PLEKHA7: variants seen among roughly 807,000 people sequenced by gnomAD.
PLEKHA7 encodes the protein pleckstrin homology domain-containing family A member 7.
A neutral mutation model predicts 170.0 loss-of-function variants in PLEKHA7; 104 were observed. That is an observed-to-expected ratio of 0.61 (90% CI 0.52 to 0.72). The LOEUF (loss-of-function observed/expected upper bound fraction) is 0.72, where lower values mean the gene tolerates loss of function less well. Ranked by LOEUF, PLEKHA7 falls within the 30% of genes least tolerant of loss-of-function variation. The pLI is 0.00. For missense variants in PLEKHA7, 1,615 were observed against 1,671.7 expected, an observed-to-expected ratio of 0.97 and a Z score of 0.59; for synonymous variants, 648 against 660.8, an observed-to-expected ratio of 0.98 and a Z score of 0.30.
chr11:16,903,162 T>C (rs1018900205), intron 3 of PLEKHA7, among the ~76,000 whole-genome samples: 4 of 152,186 alleles, frequency 2.6e-5, no homozygotes, highest in Non-Finnish European at 2.9e-5. Flanking sequence ...TCCATTTCTG[T>C]TTAGAAAAGC....
intron 13 of PLEKHA7, among the ~76,000 whole-genome samples, chr11:16,808,311 C>T (rs1315983647): frequency 6.6e-6 from 1 of 152,166 alleles, no homozygotes; most frequent in African/African-American, 2.4e-5. Context: ...TCGTTCATAG[C>T]CAGGGTTAAT....
At chr11:16,826,615 T>C in intron 9 of PLEKHA7, 25 bp from the exon 10 acceptor site, 3 of 1,588,710 alleles carry the variant, frequency 1.9e-6, no homozygotes, top group Non-Finnish European at 2.6e-6. Flanking sequence ...GCACATTCAG[T>C]TTGCTCCACA....
At position 16,971,756 on chromosome 11, in the gene PLEKHA7, CT is replaced by C. The variant is rs913583119; in HGVS notation, c.221+42232del. Among the ~76,000 whole-genome samples the C allele has an allele frequency of 4.1e-4, 62 of 151,864 alleles. 1 individual carries two copies. In the Middle Eastern group the frequency reaches 0.02, roughly 50 times the overall value. ...TTTCTTTTATAGTTTTTTTAAATAT[CT>C]TTTTTTATTTTTAAGTGAAGGGATA... On this transcript the variant is annotated intron_variant, in intron 3 of 26. Transcript: ENST00000531066.
At chr11:17,011,814 C>A (rs972076929) in intron 3 of PLEKHA7, among the ~76,000 whole-genome samples, 2 of 152,170 alleles carry the variant, frequency 1.3e-5, no homozygotes, top group Non-Finnish European at 2.9e-5. Flanking sequence ...ATCTGACATA[C>A]TCATATCTCA....
chr11:16,894,212 C>CTGGA (rs1018245960), intron 3 of PLEKHA7, among the ~76,000 whole-genome samples: 1 of 152,186 alleles, frequency 6.6e-6, no homozygotes, highest in African/African-American at 2.4e-5. Context: ...GGGGGACAGA[C>CTGGA]TGGACATCTA....
At chr11:16,954,348 T>A (rs1391147588) in intron 3 of PLEKHA7, among the ~76,000 whole-genome samples, 2 of 151,914 alleles carry the variant, frequency 1.3e-5, no homozygotes, top group Admixed American at 1.3e-4. Flanking sequence ...AGACTCCATC[T>A]CTACAAAAAC....
rs147235534 is a variant in PLEKHA7 at position 16,973,076 on chromosome 11, C to T, written c.221+40913G>A. Among the ~76,000 whole-genome samples, 28 of 152,334 alleles carry T rather than the reference C, an allele frequency of 1.8e-4. No individual in the cohort carries two copies. The East Asian group carries it at 5.0e-3, about 27-fold the overall frequency. On this transcript the variant is annotated intron_variant, in intron 3 of 26. Transcript: ENST00000531066. ...CTCCATTTCTGGCCCATCTGCCTTA[C>T]AGGCTTATTGTGAAGACTGGGTGGG...
At chr11:16,800,057 A>G (rs1449946276) in intron 17 of PLEKHA7, among the ~76,000 whole-genome samples, 1 of 152,228 alleles carries the variant, frequency 6.6e-6, no homozygotes, top group African/African-American at 2.4e-5. Context: ...CCTTGGTTAG[A>G]ACTATCTTAT....
chr11:16,824,948 T>C (rs567035620), intron 10 of PLEKHA7, among the ~76,000 whole-genome samples: 3 of 152,350 alleles, frequency 2.0e-5, no homozygotes, highest in African/African-American at 4.8e-5. Context: ...AGTAGCTTTC[T>C]GTTTTATTAA....
At chr11:16,990,736 G>A (rs901832523) in intron 3 of PLEKHA7, among the ~76,000 whole-genome samples, 30 of 152,220 alleles carry the variant, frequency 2.0e-4, no homozygotes, top group African/African-American at 7.2e-4. Flanking sequence ...CTGTGGCTGT[G>A]TACCACACAC....
intron 3 of PLEKHA7, among the ~76,000 whole-genome samples, chr11:16,882,499 C>A (rs777833669): frequency 6.6e-6 from 1 of 152,174 alleles, no homozygotes; most frequent in African/African-American, 2.4e-5. Context: ...TACAAAATAC[C>A]GAATTGCCAT....
At position 16,816,927 on chromosome 11, in the gene PLEKHA7, C is replaced by T. The variant is rs774851969; in HGVS notation, c.1739G>A (p.Arg580Lys). 2.5e-6 allele frequency: 4 copies of T among 1,613,626 alleles called. No homozygotes were observed. Among genetic ancestry groups the T allele is most frequent in the Non-Finnish European group, 3.4e-6 (4 of 1,179,768 alleles). ...PSDIPPPGPP[R>K]VFPPRRPHTP... ...GTGTGGCCGCCGGGGTGGGAAGACC[C>T]TTGGGGGTCCTGGGGGAGGGATGTC... The change falls in exon 11 of 27, where the codon AGG (arginine) becomes AAG (lysine). Residue 580 changes from arginine to lysine, a missense_variant. Arg to Lys is a conservative substitution (Grantham distance 26). Coordinates refer to ENST00000531066, the MANE Select transcript of PLEKHA7 (RefSeq NM_001329630.2).
chr11:16,865,530 C>A (rs1247570553), intron 4 of PLEKHA7, among the ~76,000 whole-genome samples: 3 of 152,002 alleles, frequency 2.0e-5, no homozygotes, highest in Non-Finnish European at 2.9e-5. Flanking sequence ...TCAAGACCAG[C>A]CTGGGCAACA....
At chr11:17,010,345 C>T (rs929777882) in intron 3 of PLEKHA7, among the ~76,000 whole-genome samples, 6 of 151,114 alleles carry the variant, frequency 4.0e-5, no homozygotes, top group Non-Finnish European at 7.4e-5. Context: ...GAGCTGAGAT[C>T]GTGCCACTGC....
intron 3 of PLEKHA7, among the ~76,000 whole-genome samples, chr11:16,907,122 G>C (rs865994919): frequency 9.7e-6 from 1 of 102,874 alleles, no homozygotes; most frequent in Non-Finnish European, 2.0e-5. Context: ...GTGGGGGTCA[G>C]CCCCCCGCCC....
At chr11:16,846,770 C>G (rs191901199) in intron 8 of PLEKHA7, among the ~76,000 whole-genome samples, 2 of 152,278 alleles carry the variant, frequency 1.3e-5, no homozygotes, top group East Asian at 3.9e-4. Flanking sequence ...AAGCCTGAAC[C>G]CACCATATCT....
At chr11:16,868,334 T>A (rs1034294615) in intron 4 of PLEKHA7, among the ~76,000 whole-genome samples, 4 of 152,204 alleles carry the variant, frequency 2.6e-5, no homozygotes, top group Non-Finnish European at 5.9e-5. Context: ...ATTATAGCTT[T>A]CACATTATTT....
chr11:16,848,487 A>G (rs984497365), intron 8 of PLEKHA7, among the ~76,000 whole-genome samples: 1 of 152,262 alleles, frequency 6.6e-6, no homozygotes, highest in African/African-American at 2.4e-5. Flanking sequence ...AGGGAAATCT[A>G]TTATATTGAA....
chr11:16,780,246 T>A (rs1469115097), intron 26 of PLEKHA7, among the ~76,000 whole-genome samples: 1 of 152,238 alleles, frequency 6.6e-6, no homozygotes, highest in African/African-American at 2.4e-5. Flanking sequence ...CTGGACCAGA[T>A]GCCAGCCTCC....
Sources: allele counts gnomAD v4.1 joint callset (sites outside exome capture counted in the v4.1 genomes callset), GRCh38; gene constraint gnomAD v4.1.1; transcripts MANE v1.5; gene names NCBI Gene and HGNC (gene_info 2026-07-23, HGNC 2026-07-21).